PDE4D: variants seen among roughly 807,000 people sequenced by gnomAD.
PDE4D encodes the protein 3',5'-cyclic-AMP phosphodiesterase 4D.
A neutral mutation model predicts 87.4 loss-of-function variants in PDE4D; 24 were observed. The observed-to-expected ratio is 0.27, with a 90% CI of 0.20 to 0.39. The LOEUF (loss-of-function observed/expected upper bound fraction) is 0.39, where lower values mean the gene tolerates loss of function less well. PDE4D is among the 10% of genes least tolerant of loss of function. The pLI, the probability that PDE4D is intolerant of heterozygous loss-of-function variation, is 1.00. For synonymous variants in PDE4D, 384 were observed against 383.2 expected (o/e 1.00, Z -0.02); for missense variants, 714 against 1,041.0 (o/e 0.69, Z 4.32).
chr5:59,706,083 G>T (rs528933529), intron 1 of PDE4D, among the ~76,000 whole-genome samples: 20 of 152,190 alleles, frequency 1.3e-4, no homozygotes, highest in African/African-American at 4.1e-4. Context: ...ATTTTTTTAT[G>T]TTTTCAAGAA....
intron 2 of PDE4D, among the ~76,000 whole-genome samples, chr5:60,050,929 A>C (rs1421009161): frequency 2.0e-5 from 3 of 152,224 alleles, no homozygotes; most frequent in African/African-American, 7.2e-5. Context: ...CAAAGATCAA[A>C]AAAAGACAAA....
At chr5:59,560,290 C>T (rs1021779830) in intron 1 of PDE4D, among the ~76,000 whole-genome samples, 1 of 152,230 alleles carries the variant, frequency 6.6e-6, no homozygotes, top group East Asian at 1.9e-4. Context: ...TTATTATGAA[C>T]CCACTACACG....
chr5:59,351,993 AAC>A (rs554700094), intron 1 of PDE4D, among the ~76,000 whole-genome samples: 66 of 152,120 alleles, frequency 4.3e-4, no homozygotes, highest in Non-Finnish European at 8.4e-4. Flanking sequence ...TCCTGGTTCT[AAC>A]ACAGACTTCC....
chr5:59,648,982 T>C (rs1262486889), intron 1 of PDE4D, among the ~76,000 whole-genome samples: 1 of 152,212 alleles, frequency 6.6e-6, no homozygotes, highest in Non-Finnish European at 1.5e-5. Context: ...TGTTCTGAGA[T>C]GGATTTCTGC....
At chr5:59,253,404 A>C (rs1376830906) in intron 1 of PDE4D, among the ~76,000 whole-genome samples, 1 of 152,164 alleles carries the variant, frequency 6.6e-6, no homozygotes, top group Non-Finnish European at 1.5e-5. Flanking sequence ...ATAGATTGTT[A>C]ATTGGCAAGC....
chr5:60,436,496 T>C (rs1445893), intron 1 of PDE4D, among the ~76,000 whole-genome samples: 6,723 of 152,192 alleles, frequency 0.044, 199 homozygotes, highest in Non-Finnish European at 0.067. Flanking sequence ...TATTTAAAAA[T>C]TAATAGTAAG....
chr5:59,689,649 G>C (rs1395589850), intron 1 of PDE4D, among the ~76,000 whole-genome samples: 2 of 152,154 alleles, frequency 1.3e-5, no homozygotes, highest in Non-Finnish European at 2.9e-5. Flanking sequence ...CATTCCCTTT[G>C]AAACCTGGCA....
intron 5 of PDE4D, among the ~76,000 whole-genome samples, chr5:59,134,007 G>GTTGTTC (rs1776665541): frequency 6.6e-6 from 1 of 151,198 alleles, no homozygotes; most frequent in Non-Finnish European, 1.5e-5. Flanking sequence ...TGTTGTTGTT[G>GTTGTTC]TTGTTGGGAA....
At chr5:59,653,210 T>TTTTA (rs1004180957) in intron 1 of PDE4D, among the ~76,000 whole-genome samples, 1 of 145,296 alleles carries the variant, frequency 6.9e-6, no homozygotes, top group African/African-American at 2.6e-5. Flanking sequence ...AAAAAAAAAT[T>TTTTA]TTTTTTTTTT....
chr5:59,302,088 C>T lies in PDE4D; in HGVS notation c.456-86120G>A, dbSNP rs192266138. 2.2e-4 allele frequency among the ~76,000 whole-genome samples: 34 copies of T among 152,198 alleles called. 1 individual carries two copies. The Middle Eastern group carries it at 0.014, about 61-fold the overall frequency. On this transcript the variant is annotated intron_variant, in intron 1 of 14. Transcript: ENST00000340635. The stretch of plus-strand genomic sequence containing the variant: ...GTGACCTTCCTTTGGGGGCACTAGA[C>T]CAGTAACGAAAAATTGTCATGGAGA...
At chr5:59,771,475 A>G (rs776249349) in intron 1 of PDE4D, among the ~76,000 whole-genome samples, 6,268 of 76,260 alleles carry the variant, frequency 0.082, 253 homozygotes, top group African/African-American at 0.15. Flanking sequence ...GAAAGAAAGA[A>G]AGAAAGAAAG....
At chr5:58,979,024 C>T (rs1436976362) in intron 11 of PDE4D, among the ~76,000 whole-genome samples, 1 of 152,118 alleles carries the variant, frequency 6.6e-6, no homozygotes, top group African/African-American at 2.4e-5. Flanking sequence ...TGCATGTAGA[C>T]AAGCAGTGTT....
chr5:59,799,343 T>A (rs1186224612), intron 1 of PDE4D, among the ~76,000 whole-genome samples: 1 of 152,106 alleles, frequency 6.6e-6, no homozygotes, highest in Non-Finnish European at 1.5e-5. Flanking sequence ...ATGAGGGAAA[T>A]TGAAGAAAGT....
chr5:60,129,047 A>G (rs1779359043), intron 2 of PDE4D, among the ~76,000 whole-genome samples: 1 of 152,238 alleles, frequency 6.6e-6, no homozygotes, highest in African/African-American at 2.4e-5. Flanking sequence ...AAATTTTGTC[A>G]TCAATATTGT....
At chr5:59,137,010 C>A (rs1485159447) in intron 5 of PDE4D, among the ~76,000 whole-genome samples, 3 of 152,196 alleles carry the variant, frequency 2.0e-5, no homozygotes, top group Non-Finnish European at 4.4e-5. Flanking sequence ...GCCAGGCAAA[C>A]TGGAACAGCT....
chr5:59,353,351 G>A (rs920198791), intron 1 of PDE4D, among the ~76,000 whole-genome samples: 6 of 107,400 alleles, frequency 5.6e-5, no homozygotes, highest in Admixed American at 1.7e-4. Context: ...TTCCCAGATC[G>A]TTTTTCCCCA....
At chr5:59,487,518 A>G (rs1805368873) in intron 1 of PDE4D, among the ~76,000 whole-genome samples, 1 of 152,184 alleles carries the variant, frequency 6.6e-6, no homozygotes, top group African/African-American at 2.4e-5. Context: ...CATGGGTCAG[A>G]CGATGCTATC....
chr5:60,238,243 A>G (rs1200682452), intron 1 of PDE4D, among the ~76,000 whole-genome samples: 1 of 151,970 alleles, frequency 6.6e-6, no homozygotes, highest in Non-Finnish European at 1.5e-5. Flanking sequence ...GAATTTATAC[A>G]TTTCATCTAC....
chr5:59,518,126 T>C (rs1811494767), intron 1 of PDE4D, among the ~76,000 whole-genome samples: 1 of 152,136 alleles, frequency 6.6e-6, no homozygotes, highest in Non-Finnish European at 1.5e-5. Context: ...TATTAACTCA[T>C]GGTTTTGTCC....
Sources: allele counts gnomAD v4.1 joint callset (sites outside exome capture counted in the v4.1 genomes callset), GRCh38; gene constraint gnomAD v4.1.1; transcripts MANE v1.5; gene names NCBI Gene and HGNC (gene_info 2026-07-23, HGNC 2026-07-21).